The following ORC3 variants were observed in gnomAD, a reference collection of about 807,000 sequenced individuals.
ORC3 encodes homolog of latheo, Drosophila.
ORC3 carries 78 observed loss-of-function variants against 100.7 expected under a neutral mutation model. The observed-to-expected ratio is 0.77, with a 90% confidence interval of 0.65 to 0.94. The LOEUF is 0.94. ORC3 is among the 40% of genes least tolerant of loss of function. ORC3 has a pLI of 0.00. For synonymous variants in ORC3, 295 were observed against 289.3 expected (o/e 1.02, Z -0.20); for missense variants, 789 against 823.9 (o/e 0.96, Z 0.52).
chr6:87,601,683 AAAT>A, intron 2 of ORC3, 98 bp from the exon 3 acceptor site: 2 of 700,538 alleles, frequency 2.9e-6, no homozygotes, highest in Non-Finnish European at 4.9e-6. Context: ...AAAAAAAAAA[AAAT>A]TTCACTTCTG....
chr6:87,653,740 T>G (rs1050488123), intron 14 of ORC3, among the ~76,000 whole-genome samples: 11 of 152,232 alleles, frequency 7.2e-5, no homozygotes, highest in African/African-American at 2.4e-4. Flanking sequence ...TGCATGAGGC[T>G]TACTTTAATC....
intron 3 of ORC3, among the ~76,000 whole-genome samples, chr6:87,602,966 T>C (rs1778062800): frequency 3.5e-5 from 2 of 57,138 alleles, no homozygotes; most frequent in East Asian, 9.4e-4. Flanking sequence ...TATATATATA[T>C]ATATACATAT....
At chr6:87,602,031 A>AATCC (rs1777944958) in intron 3 of ORC3, 150 bp downstream of exon 3, 1 of 585,962 alleles carries the variant, frequency 1.7e-6, no homozygotes, top group Admixed American at 3.0e-5. Context: ...AAACAACCAT[A>AATCC]ATCCAGCCTG....
the ORC3 span, chr6:87,675,204 G>A: frequency 5.0e-6 from 1 of 200,620 alleles, no homozygotes; most frequent in African/African-American, 2.3e-5. Flanking sequence ...TTAGTAACTG[G>A]TTACAGCTCG....
chr6:87,655,968 A>G (rs1769653097), intron 14 of ORC3, among the ~76,000 whole-genome samples: 1 of 152,200 alleles, frequency 6.6e-6, no homozygotes. Context: ...AAGCCAATGC[A>G]TATTCTCCAG....
Position 87,664,830 on chromosome 6 carries a change from A to G in ORC3, c.1921A>G (p.Arg641Gly). ...IAYKLHLECSRLINLVDWSEA... is the reference protein window; with the variant it reads ...IAYKLHLECSGLINLVDWSEA... ...ATACAAACTGCACCTAGAGTGTAGC[A>G]GGCTCATCAACCTCGTGGACTGGTC... Residue 641 changes from arginine to glycine, a missense_variant, in exon 18 of 20, where the codon AGG becomes GGG. Arg to Gly is a moderately radical substitution (Grantham distance 125). Around this residue, in one of 3 missense-constraint regions of ORC3, gnomAD observed 366 missense variants for 394.2 expected, o/e 0.93. Coordinates refer to ENST00000392844, the MANE Select transcript of ORC3 (RefSeq NM_012381.4). 1 of 1,613,582 alleles carries G rather than the reference A, an allele frequency of 6.2e-7. No individual in the cohort carries two copies. The highest frequency in any genetic ancestry group is 8.5e-7 in the Non-Finnish European group (1 of 1,179,488).
intron 2 of ORC3, among the ~76,000 whole-genome samples, chr6:87,595,613 C>T (rs1777373663): frequency 6.6e-6 from 1 of 152,182 alleles, no homozygotes; most frequent in African/African-American, 2.4e-5. Flanking sequence ...TACCAGTTTG[C>T]ACCCTCCATC....
intron 13 of ORC3, among the ~76,000 whole-genome samples, chr6:87,645,507 C>A (rs1768691811): frequency 6.6e-6 from 1 of 151,946 alleles, no homozygotes; most frequent in Non-Finnish European, 1.5e-5. Flanking sequence ...ATTATTTTTA[C>A]ATGCTTTTTT....
intron 6 of ORC3, 92 bp downstream of exon 6, chr6:87,607,916 A>C: frequency 2.5e-6 from 2 of 786,896 alleles, no homozygotes; most frequent in Middle Eastern, 5.3e-4. Flanking sequence ...TGATCTAACA[A>C]GGATATGTTT....
Position 87,594,469 on chromosome 6 carries a change from C to T in ORC3, c.79+62C>T, listed in dbSNP as rs556152004. On this transcript the variant is annotated intron_variant, in intron 2 of 19. Transcript: ENST00000392844. ...CTTCTTAAACTATTAGGAACTAACCCTAATTGAATTTAGTAATTCTCTTGT... is the reference window on the plus strand; with the variant it reads ...CTTCTTAAACTATTAGGAACTAACCTTAATTGAATTTAGTAATTCTCTTGT... 3 of 1,438,060 alleles carry T rather than the reference C, an allele frequency of 2.1e-6. No homozygotes were observed. The South Asian group carries it at 4.4e-5, about 21-fold the overall frequency. 89.1% of individuals were successfully genotyped at this position (1,438,060 alleles called of 1,614,324 possible).
At chr6:87,672,335 C>T (rs1049146894), downstream of ORC3, among the ~76,000 whole-genome samples, 1 of 152,058 alleles carries the variant, frequency 6.6e-6, no homozygotes, top group Non-Finnish European at 1.5e-5. Context: ...TTTTTAATAA[C>T]ATGCTTATTA....
chr6:87,673,689 A>C, the ORC3 span, among the ~76,000 whole-genome samples: 89 of 152,016 alleles, frequency 5.9e-4, 1 homozygote, highest in Non-Finnish European at 6.0e-4. Context: ...AAAAATACAA[A>C]AATTAGCTGG....
chr6:87,641,911 C>T (rs1477433440), intron 13 of ORC3, among the ~76,000 whole-genome samples: 1 of 152,166 alleles, frequency 6.6e-6, no homozygotes, highest in Non-Finnish European at 1.5e-5. Context: ...AAAAATGACA[C>T]AGCTCCACAA....
chr6:87,609,406 C>T, intron 7 of ORC3, 177 bp downstream of exon 7: 1 of 498,654 alleles, frequency 2.0e-6, no homozygotes. Context: ...GCTTTTTGAG[C>T]CAAGAATGAG....
chr6:87,642,939 A>C (rs1278303035), intron 13 of ORC3, among the ~76,000 whole-genome samples: 4 of 94,468 alleles, frequency 4.2e-5, no homozygotes, highest in Admixed American at 1.2e-4. Context: ...AATAAAATGA[A>C]AAATAAAAAT....
In ORC3 at chr6:87,634,875, C is replaced by A. The variant is rs755232597; in HGVS notation, c.1216C>A (p.His406Asn). 2.5e-6 allele frequency: 4 copies of A among 1,587,726 alleles called. No homozygotes were observed. Among genetic ancestry groups the A allele is most frequent in the East Asian group, 4.5e-5 (2 of 44,726 alleles). The change falls in exon 12 of 20, where the codon CAT (histidine) becomes AAT (asparagine). Residue 406 changes from histidine (H) to asparagine (N), a missense_variant. Physicochemically the swap from His to Asn is moderately conservative, Grantham distance 68 (BLOSUM62 1). Transcript: ENST00000392844. ...AACACAATTATTACTAGAAAACCTG[C>A]ATGTTTATCATATGAATTACTTCCT... Reference protein sequence around the residue: ...EETQLLLENLHVYHMNYFLVL... With the variant: ...EETQLLLENLNVYHMNYFLVL...
intron 1 of ORC3, among the ~76,000 whole-genome samples, chr6:87,590,521 G>A (rs1340899767): frequency 6.6e-6 from 1 of 152,132 alleles, no homozygotes; most frequent in Non-Finnish European, 1.5e-5. Flanking sequence ...AAGATGCAGT[G>A]GTAAACAAAA....
chr6:87,616,738 C>A (rs988410290), intron 9 of ORC3, among the ~76,000 whole-genome samples: 1 of 151,660 alleles, frequency 6.6e-6, no homozygotes, highest in African/African-American at 2.4e-5. Flanking sequence ...ACTTTTTCTA[C>A]CAAGGAAATG....
At chr6:87,628,305 C>G (rs142437974) in intron 11 of ORC3, among the ~76,000 whole-genome samples, 3,480 of 152,214 alleles carry the variant, frequency 0.023, 126 homozygotes, top group African/African-American at 0.079. Context: ...CCTGCACGTC[C>G]TGCACATGTA....
Sources: allele counts gnomAD v4.1 joint callset (sites outside exome capture counted in the v4.1 genomes callset), GRCh38; gene constraint gnomAD v4.1.1; regional missense constraint gnomAD v4.1.1; transcripts MANE v1.5; gene names NCBI Gene and HGNC (gene_info 2026-07-23, HGNC 2026-07-21).